Variants in AIG1 observed in about 807,000 individuals in gnomAD.
AIG1 encodes androgen induced 1, also known as androgen-induced gene 1 protein.
A neutral mutation model predicts 31.4 loss-of-function variants in AIG1; 23 were observed. That is an observed-to-expected ratio of 0.73 (90% CI 0.53 to 1.04). AIG1 has a LOEUF of 1.04. Among genes scored for constraint, AIG1 ranks in the 50% least tolerant of loss-of-function variants. The probability of loss-of-function intolerance (pLI) is 0.00; values close to 1 mark genes in which losing one functional copy is unlikely to be tolerated. For missense variants in AIG1, 274 were observed against 295.0 expected (o/e 0.93, Z 0.52); for synonymous variants, 100 against 110.5 (o/e 0.90, Z 0.60).
intron 2 of AIG1, among the ~76,000 whole-genome samples, chr6:143,154,733 T>C (rs548845845): frequency 6.6e-6 from 1 of 152,098 alleles, no homozygotes; most frequent in Admixed American, 6.5e-5. Context: ...GGATGTACCA[T>C]GGCTATGTAA....
At chr6:143,200,470 A>G (rs1790609875) in intron 3 of AIG1, among the ~76,000 whole-genome samples, 1 of 151,760 alleles carries the variant, frequency 6.6e-6, no homozygotes, top group Non-Finnish European at 1.5e-5. Flanking sequence ...TCTCTACTTT[A>G]TTTCTCCTTT....
At chr6:143,111,023 G>C (rs2128490811) in intron 1 of AIG1, among the ~76,000 whole-genome samples, 2 of 152,232 alleles carry the variant, frequency 1.3e-5, no homozygotes, top group Middle Eastern at 6.8e-3. Context: ...CAAGGTAATT[G>C]ATGGTTTAGA....
At chr6:143,183,359 C>G (rs978236436) in intron 3 of AIG1, among the ~76,000 whole-genome samples, 2 of 152,156 alleles carry the variant, frequency 1.3e-5, no homozygotes, top group African/African-American at 4.8e-5. Context: ...CCACACACAG[C>G]TAATTTTTGT....
chr6:143,102,120 G>T (rs1309105424), intron 1 of AIG1, among the ~76,000 whole-genome samples: 1 of 151,980 alleles, frequency 6.6e-6, no homozygotes, highest in Admixed American at 6.5e-5. Flanking sequence ...CATCCCTAGA[G>T]AACTTAAAAT....
intron 3 of AIG1, among the ~76,000 whole-genome samples, chr6:143,204,347 C>A (rs1790939544): frequency 6.6e-6 from 1 of 152,062 alleles, no homozygotes; most frequent in South Asian, 2.1e-4. Flanking sequence ...GAACTGTTGA[C>A]CAGAGTGCCT....
At chr6:143,082,202 G>A (rs1250051432) in intron 1 of AIG1, among the ~76,000 whole-genome samples, 1 of 152,076 alleles carries the variant, frequency 6.6e-6, no homozygotes, top group African/African-American at 2.4e-5. Context: ...TATTAGTTCT[G>A]CCAGCTGAGT....
At chr6:143,270,006 G>A (rs1796400047) in intron 3 of AIG1, among the ~76,000 whole-genome samples, 1 of 152,160 alleles carries the variant, frequency 6.6e-6, no homozygotes, top group African/African-American at 2.4e-5. Flanking sequence ...TATAGTGAAG[G>A]AAGAAGAAGG....
Position 143,069,943 on chromosome 6 carries a change from C to T in AIG1, c.141+8877C>T, listed in dbSNP as rs544082348. On this transcript the variant is annotated intron_variant, in intron 1 of 5. Transcript: ENST00000357847. ...CTGCACCGTGTCTTGAAAAGATTGT[C>T]ATTTTGCCATTGAATTACGTTTGCA... 3.9e-5 allele frequency among the ~76,000 whole-genome samples: 6 copies of T among 152,284 alleles called. No homozygotes were observed. The East Asian group carries it at 9.6e-4, about 24-fold the overall frequency.
intron 3 of AIG1, among the ~76,000 whole-genome samples, chr6:143,247,542 T>C (rs1377628061): frequency 6.6e-6 from 1 of 152,192 alleles, no homozygotes; most frequent in Non-Finnish European, 1.5e-5. Flanking sequence ...GCTAAAGCCC[T>C]AATAAACAAA....
intron 2 of AIG1, among the ~76,000 whole-genome samples, chr6:143,145,441 A>G (rs1784622049): frequency 1.3e-5 from 2 of 152,236 alleles, no homozygotes; most frequent in African/African-American, 4.8e-5. Context: ...AGCACCAAGC[A>G]TCACATCCTT....
intron 3 of AIG1, among the ~76,000 whole-genome samples, chr6:143,176,857 T>C (rs1214149623): frequency 1.3e-5 from 2 of 152,222 alleles, no homozygotes; most frequent in African/African-American, 4.8e-5. Context: ...GCAATCCGCC[T>C]CCTTCAAAGG....
In AIG1 at chr6:143,291,474, C is replaced by T. The variant is rs1583759920; in HGVS notation, c.515+7249C>T. Among the ~76,000 whole-genome samples, 1 of 152,202 alleles carries T rather than the reference C, an allele frequency of 6.6e-6. No individual in the cohort carries two copies. Among genetic ancestry groups the T allele is most frequent in the South Asian group, 2.1e-4 (1 of 4,834 alleles). ...GACCCCTGCAAACCTCACACTTATG[C>T]ACCCGACGCAGAGGTGAGCACCTGG... is the stretch of plus-strand genomic sequence containing the variant. On this transcript the variant is annotated intron_variant, in intron 4 of 5. Transcript: ENST00000357847. The surrounding 1 kb of genome is among the most constrained non-coding windows in gnomAD (Gnocchi z 4.2).
intron 3 of AIG1, among the ~76,000 whole-genome samples, chr6:143,260,691 G>A (rs1012589336): frequency 4.6e-5 from 7 of 152,146 alleles, no homozygotes; most frequent in Admixed American, 2.0e-4. Context: ...CACACCATTA[G>A]GTATTTATTC....
Position 143,109,412 on chromosome 6 carries a change from A to G in AIG1, c.142-27423A>G, listed in dbSNP as rs970391459. Among the ~76,000 whole-genome samples, 4 of 152,290 alleles carry G rather than the reference A, an allele frequency of 2.6e-5. No individual in the cohort carries two copies. In the East Asian group the frequency reaches 5.8e-4, roughly 22 times the overall value. On this transcript the variant is annotated intron_variant, in intron 1 of 5. Transcript: ENST00000357847. ...AGACTTACTGGGTTATAGAGTCCAC[A>G]TATGTTCAGCTTCGTGGAGACTGCC...
At chr6:143,068,641 G>T (rs948686095) in intron 1 of AIG1, among the ~76,000 whole-genome samples, 1 of 152,152 alleles carries the variant, frequency 6.6e-6, no homozygotes, top group Non-Finnish European at 1.5e-5. Flanking sequence ...TAGAAAATTT[G>T]TGCAAATACA....
chr6:143,208,756 A>T (rs1791340070), intron 3 of AIG1, among the ~76,000 whole-genome samples: 1 of 152,120 alleles, frequency 6.6e-6, no homozygotes, highest in South Asian at 2.1e-4. Context: ...ACCATTTTAG[A>T]TATTTTCCCC....
intron 3 of AIG1, among the ~76,000 whole-genome samples, chr6:143,168,085 G>A (rs184152185): frequency 1.3e-5 from 2 of 152,194 alleles, no homozygotes; most frequent in East Asian, 1.9e-4. Context: ...TTCATAAAAT[G>A]TGTAATAAAA....
chr6:143,323,623 AT>A, intron 4 of AIG1, among the ~76,000 whole-genome samples: 1 of 152,126 alleles, frequency 6.6e-6, no homozygotes, highest in East Asian at 1.9e-4. Context: ...TAAGGAGACC[AT>A]TTTGAGCCCT....
intron 3 of AIG1, among the ~76,000 whole-genome samples, chr6:143,185,220 A>G (rs1789141853): frequency 6.6e-6 from 1 of 151,158 alleles, no homozygotes; most frequent in South Asian, 2.1e-4. Flanking sequence ...ATTCAATCTC[A>G]TATATTTTTC....
Sources: gnomAD v4.1 joint callset for allele counts (sites outside exome capture counted in the v4.1 genomes callset) on GRCh38, gnomAD v4.1.1 for gene constraint, Gnocchi (gnomAD v3.1) non-coding constraint, MANE v1.5 for transcripts, NCBI Gene and HGNC (gene_info 2026-07-23, HGNC 2026-07-21) for gene names.